The following ZMAT4 variants were observed in gnomAD, a reference collection of about 807,000 sequenced individuals.
ZMAT4 encodes zinc finger matrin-type protein 4.
A neutral mutation model predicts 28.7 loss-of-function variants in ZMAT4; 17 were observed. The ratio of observed to expected loss-of-function variants is 0.59; its 90% confidence interval spans 0.41 to 0.89. The LOEUF (loss-of-function observed/expected upper bound fraction) is 0.89, where lower values mean the gene tolerates loss of function less well. Among genes scored for constraint, ZMAT4 ranks in the 40% least tolerant of loss-of-function variants. The probability of loss-of-function intolerance (pLI) is 0.00; values close to 1 mark genes in which losing one functional copy is unlikely to be tolerated. For missense variants in ZMAT4, 240 were observed against 283.8 expected, an observed-to-expected ratio of 0.85 and a Z score of 1.11; for synonymous variants, 117 against 109.2, an observed-to-expected ratio of 1.07 and a Z score of -0.44.
chr8:40,845,359 T>C (rs1816846944), intron 1 of ZMAT4, among the ~76,000 whole-genome samples: 1 of 152,178 alleles, frequency 6.6e-6, no homozygotes, highest in African/African-American at 2.4e-5. Flanking sequence ...TGACAGTCTG[T>C]TGATTGCCCA....
chr8:40,781,761 C>CAAAA (rs59432510), intron 2 of ZMAT4, among the ~76,000 whole-genome samples: 1,325 of 38,692 alleles, frequency 0.034, 6 homozygotes, highest in Middle Eastern at 0.067. Context: ...GACTCCGTCT[C>CAAAA]AAAAAAAAAA....
At chr8:40,750,566 A>G (rs2150545820) in intron 3 of ZMAT4, among the ~76,000 whole-genome samples, 1 of 152,380 alleles carries the variant, frequency 6.6e-6, no homozygotes, top group East Asian at 1.9e-4. Context: ...ACAAATTTTC[A>G]GGAAAGAGTT....
chr8:40,882,861 T>A (rs1386642336), intron 1 of ZMAT4, among the ~76,000 whole-genome samples: 1 of 152,144 alleles, frequency 6.6e-6, no homozygotes, highest in Non-Finnish European at 1.5e-5. Context: ...CGTTCTCTAT[T>A]TCATCCCAAA....
At chr8:40,659,947 A>C (rs895946153) in intron 5 of ZMAT4, among the ~76,000 whole-genome samples, 1 of 152,242 alleles carries the variant, frequency 6.6e-6, no homozygotes, top group Non-Finnish European at 1.5e-5. Flanking sequence ...TCTTTTACAT[A>C]TAACTGCAAA....
chr8:40,751,651 G>T (rs990632427), intron 3 of ZMAT4, among the ~76,000 whole-genome samples: 1 of 151,866 alleles, frequency 6.6e-6, no homozygotes, highest in Admixed American at 6.6e-5. Context: ...CTGAACTAAC[G>T]GGCCTGATGT....
intron 2 of ZMAT4, among the ~76,000 whole-genome samples, chr8:40,768,400 C>T (rs1813248936): frequency 6.6e-6 from 1 of 152,192 alleles, no homozygotes; most frequent in African/African-American, 2.4e-5. Flanking sequence ...CCATGCCCAG[C>T]ATGGAGAAAC....
At chr8:40,589,731 C>CCTTTCTTTCTTTCTTTCTCTTTCTTT (rs1804796252) in intron 5 of ZMAT4, among the ~76,000 whole-genome samples, 1 of 139,274 alleles carries the variant, frequency 7.2e-6, no homozygotes, top group African/African-American at 2.7e-5. Flanking sequence ...TTCTTCCTTT[C>CCTTTCTTTCTTTCTTTCTCTTTCTTT]CTTTCTTTCT....
intron 1 of ZMAT4, among the ~76,000 whole-genome samples, chr8:40,862,384 C>G (rs1817525997): frequency 8.0e-6 from 1 of 124,802 alleles, no homozygotes; most frequent in African/African-American, 3.2e-5. Context: ...ATCACTTGGA[C>G]ACAGGAAGGG....
chr8:40,789,373 G>C (rs930360409), intron 2 of ZMAT4, among the ~76,000 whole-genome samples: 19 of 152,074 alleles, frequency 1.2e-4, no homozygotes, highest in African/African-American at 4.6e-4. Flanking sequence ...ATATTGTACT[G>C]GGAAGTTCTA....
intron 2 of ZMAT4, among the ~76,000 whole-genome samples, chr8:40,782,516 AT>A (rs1439701888): frequency 3.9e-5 from 6 of 152,280 alleles, no homozygotes; most frequent in Admixed American, 3.9e-4. Context: ...TGTGTAAACA[AT>A]TTTTTCGACT....
At chr8:40,650,982 CA>C (rs1355994056) in intron 5 of ZMAT4, among the ~76,000 whole-genome samples, 2 of 149,738 alleles carry the variant, frequency 1.3e-5, no homozygotes, top group Admixed American at 6.6e-5. Flanking sequence ...ACTGAATGGG[CA>C]AAAACTGGAA....
At chr8:40,776,601 T>C (rs10112013) in intron 2 of ZMAT4, among the ~76,000 whole-genome samples, 33,407 of 152,202 alleles carry the variant, frequency 0.22, 3,860 homozygotes, top group Non-Finnish European at 0.25. Flanking sequence ...TCATCTAGGC[T>C]TCTCTTTTGC....
At chr8:40,719,083 G>A (rs1205082327) in intron 3 of ZMAT4, among the ~76,000 whole-genome samples, 7 of 152,082 alleles carry the variant, frequency 4.6e-5, no homozygotes, top group Admixed American at 4.6e-4. Context: ...CCCTTTAAAT[G>A]CATTACCCCA....
intron 2 of ZMAT4, among the ~76,000 whole-genome samples, chr8:40,820,565 TGTGTTTTG>T (rs1815733588): frequency 6.7e-6 from 1 of 150,066 alleles, no homozygotes; most frequent in Non-Finnish European, 1.5e-5. Flanking sequence ...TGTGTGTGAG[TGTGTTTTG>T]GTGTTTATGT....
chr8:40,772,548 A>T (rs1000556676), intron 2 of ZMAT4, among the ~76,000 whole-genome samples: 4 of 152,260 alleles, frequency 2.6e-5, no homozygotes, highest in African/African-American at 9.6e-5. Context: ...AAACGTGGCG[A>T]TAACAAAGCA....
chr8:40,554,342 C>T (rs1803457090), intron 6 of ZMAT4, among the ~76,000 whole-genome samples: 1 of 151,898 alleles, frequency 6.6e-6, no homozygotes, highest in Non-Finnish European at 1.5e-5. Context: ...CAAAAATTAA[C>T]TAAAGAGTTA....
rs548452905 is a variant in ZMAT4, at chr8:40,798,510, C to T, written c.102+27065G>A. On this transcript the variant is annotated intron_variant, in intron 2 of 6. Coordinates refer to ENST00000297737, the MANE Select transcript of ZMAT4 (RefSeq NM_024645.3). Reference sequence around the variant, plus strand: ...GAAACCAATAAATACCTCTTACTCCCTGACTGATTCCACTGTGAAGAGCTG... The same window carrying T: ...GAAACCAATAAATACCTCTTACTCCTTGACTGATTCCACTGTGAAGAGCTG... Among the ~76,000 whole-genome samples, 414 of 152,306 alleles carry T rather than the reference C, an allele frequency of 2.7e-3. 1 individual carries two copies. The highest frequency in any genetic ancestry group is 9.5e-3 in the African/African-American group (395 of 41,572).
At chr8:40,724,772 C>T (rs1223321172) in intron 3 of ZMAT4, among the ~76,000 whole-genome samples, 1 of 152,038 alleles carries the variant, frequency 6.6e-6, no homozygotes, top group Non-Finnish European at 1.5e-5. Flanking sequence ...TTGGCCAAGC[C>T]TATGTGAGAT....
chr8:40,838,771 G>A (rs569023609), intron 1 of ZMAT4, among the ~76,000 whole-genome samples: 2 of 152,268 alleles, frequency 1.3e-5, no homozygotes, highest in South Asian at 4.1e-4. Context: ...GGAAACAAAA[G>A]ACATGAACAG....
Sources: gnomAD v4.1 joint callset for allele counts (sites outside exome capture counted in the v4.1 genomes callset) on GRCh38, gnomAD v4.1.1 for gene constraint, MANE v1.5 for transcripts, NCBI Gene and HGNC (gene_info 2026-07-23, HGNC 2026-07-21) for gene names.